Variants in PAK5 observed in about 807,000 individuals in gnomAD.
PAK5 encodes p21 (RAC1) activated kinase 5.
PAK5 carries 16 observed loss-of-function variants against 65.9 expected under a neutral mutation model. The observed-to-expected ratio is 0.24, with a 90% CI of 0.16 to 0.37. PAK5 has a LOEUF of 0.37. Among genes scored for constraint, PAK5 ranks in the 10% least tolerant of loss-of-function variants. PAK5 has a pLI of 1.00. For missense variants in PAK5, 785 were observed against 903.9 expected (o/e 0.87, Z 1.69); for synonymous variants, 371 against 354.9 (o/e 1.05, Z -0.51).
chr20:9,542,513 G>C (rs370399084), intron 9 of PAK5, 73 bp downstream of exon 9: 4 of 1,460,660 alleles, frequency 2.7e-6, no homozygotes, highest in East Asian at 4.5e-5. Flanking sequence ...TGGTAAGCCA[G>C]TCTTAAAAAC....
intron 3 of PAK5, among the ~76,000 whole-genome samples, chr20:9,615,017 G>A (rs1290607562): frequency 2.0e-5 from 3 of 152,036 alleles, no homozygotes; most frequent in Admixed American, 6.5e-5. Flanking sequence ...ATGTGCTACC[G>A]AGCCATGAAA....
chr20:9,811,203 C>G (rs1356769786), intron 1 of PAK5, among the ~76,000 whole-genome samples: 1 of 152,010 alleles, frequency 6.6e-6, no homozygotes, highest in African/African-American at 2.4e-5. Flanking sequence ...TTAATCTGCC[C>G]CAAAATATGA....
chr20:9,674,859 C>T (rs1299652150), intron 2 of PAK5, among the ~76,000 whole-genome samples: 1 of 152,168 alleles, frequency 6.6e-6, no homozygotes, highest in African/African-American at 2.4e-5. Flanking sequence ...GTTTGTAACC[C>T]ATGTCAGTCA....
chr20:9,662,172 C>T (rs1347009380), intron 2 of PAK5, among the ~76,000 whole-genome samples: 1 of 152,146 alleles, frequency 6.6e-6, no homozygotes, highest in Non-Finnish European at 1.5e-5. Context: ...CAGTGCTATA[C>T]ACCATGCATT....
intron 1 of PAK5, among the ~76,000 whole-genome samples, chr20:9,762,661 T>C (rs2048712947): frequency 6.6e-6 from 1 of 152,142 alleles, no homozygotes; most frequent in Admixed American, 6.6e-5. Context: ...TCTGGTACAC[T>C]ATTTATGGGA....
intron 3 of PAK5, among the ~76,000 whole-genome samples, chr20:9,595,482 G>A (rs1382091923): frequency 6.6e-6 from 1 of 152,130 alleles, no homozygotes; most frequent in Non-Finnish European, 1.5e-5. Context: ...TCCTCTCTAA[G>A]CTGCCTTGCC....
At chr20:9,650,373 A>C (rs6086974) in intron 2 of PAK5, among the ~76,000 whole-genome samples, 22,791 of 152,128 alleles carry the variant, frequency 0.15, 2,202 homozygotes, top group South Asian at 0.37. Flanking sequence ...GTGTCACTAG[A>C]ACTTCCTTGT....
intron 3 of PAK5, among the ~76,000 whole-genome samples, chr20:9,609,316 C>T (rs1188955722): frequency 2.0e-5 from 3 of 152,278 alleles, no homozygotes; most frequent in East Asian, 1.9e-4. Context: ...GTTGCAACCC[C>T]GTTTGTCCTG....
intron 3 of PAK5, among the ~76,000 whole-genome samples, chr20:9,619,857 C>T (rs999087560): frequency 1.3e-5 from 2 of 152,240 alleles, no homozygotes; most frequent in Non-Finnish European, 2.9e-5. Flanking sequence ...TCAGTGCTCT[C>T]AACCAATCAT....
In PAK5 at chr20:9,553,194, A is replaced by C. The variant is rs551770789; in HGVS notation, c.1743+4414T>G. Among the ~76,000 whole-genome samples, 7 of 152,262 alleles carry C rather than the reference A, an allele frequency of 4.6e-5. No homozygotes were observed. In the East Asian group the frequency reaches 1.4e-3, roughly 29 times the overall value. On this transcript the variant is annotated intron_variant, in intron 7 of 9. Transcript: ENST00000353224. ...AATTTCATCAGTTACAAATGAACTC[A>C]TTGTGTGTGTAGTGTATATAAGTAT...
intron 2 of PAK5, among the ~76,000 whole-genome samples, chr20:9,699,745 GA>G (rs1009509470): frequency 6.6e-6 from 1 of 151,592 alleles, no homozygotes; most frequent in African/African-American, 2.4e-5. Flanking sequence ...GGAGGACTTG[GA>G]AAAAAAAGTG....
intron 2 of PAK5, among the ~76,000 whole-genome samples, chr20:9,675,149 G>A (rs2047552261): frequency 6.6e-6 from 1 of 152,168 alleles, no homozygotes; most frequent in South Asian, 2.1e-4. Flanking sequence ...GCAAGGCTAT[G>A]GAGATCCTAG....
chr20:9,633,647 C>T (rs1381936490), intron 3 of PAK5, among the ~76,000 whole-genome samples: 1 of 152,160 alleles, frequency 6.6e-6, no homozygotes, highest in African/African-American at 2.4e-5. Context: ...CCTGCATTGC[C>T]TTCACATCAG....
intron 2 of PAK5, among the ~76,000 whole-genome samples, chr20:9,674,623 T>C (rs1369650366): frequency 6.6e-6 from 1 of 152,210 alleles, no homozygotes. Context: ...GGATTCTTGC[T>C]GCCTTAAGTT....
In PAK5 at chr20:9,747,453, C is replaced by T. The variant is rs6087005; in HGVS notation, c.-161-36018G>A. 8.2e-3 allele frequency among the ~76,000 whole-genome samples: 1,249 copies of T among 151,488 alleles called. 17 individuals carry two copies. The highest frequency in any genetic ancestry group is 0.029 in the African/African-American group (1,205 of 41,212). ...AATCCTCAGTAAAATACTGGCAAAC[C>T]GAATCCAGCAGCACATCAAAAAGCT... On this transcript the variant is annotated intron_variant, in intron 1 of 9. Transcript: ENST00000353224.
chr20:9,618,626 G>A (rs987637362), intron 3 of PAK5, among the ~76,000 whole-genome samples: 1 of 151,544 alleles, frequency 6.6e-6, no homozygotes, highest in Non-Finnish European at 1.5e-5. Context: ...TGTTGTCCAG[G>A]CTGGTCTTGA....
chr20:9,568,560 G>C (rs1302146946), intron 4 of PAK5, among the ~76,000 whole-genome samples: 1 of 152,100 alleles, frequency 6.6e-6, no homozygotes, highest in Non-Finnish European at 1.5e-5. Context: ...ACACTGTATT[G>C]GGATCAATCT....
intron 1 of PAK5, among the ~76,000 whole-genome samples, chr20:9,821,826 C>T (rs571170974): frequency 6.6e-6 from 1 of 152,314 alleles, no homozygotes; most frequent in East Asian, 1.9e-4. Context: ...TTTGGGGTTT[C>T]TTGCAAGACA....
In PAK5 at chr20:9,707,622, T is replaced by C. The variant is rs1013554039; in HGVS notation, c.-12+3664A>G. On this transcript the variant is annotated intron_variant, in intron 2 of 9. Transcript: ENST00000353224. ...AATCTGAGATATTCTGTGAATTTCT[T>C]TGATGTATATGTTGTAGAAGTGATT... is the stretch of plus-strand genomic sequence containing the variant. 3.9e-5 allele frequency among the ~76,000 whole-genome samples: 6 copies of C among 152,294 alleles called. No individual in the cohort carries two copies. In the East Asian group the frequency reaches 7.7e-4, roughly 20 times the overall value.
Sources: allele counts gnomAD v4.1 joint callset (sites outside exome capture counted in the v4.1 genomes callset), GRCh38; gene constraint gnomAD v4.1.1; transcripts MANE v1.5; gene names NCBI Gene and HGNC (gene_info 2026-07-23, HGNC 2026-07-21).